Variants in EZH2 observed in about 807,000 individuals in gnomAD.
The protein encoded by EZH2 is enhancer of zeste 2 polycomb repressive complex 2 subunit.
EZH2 carries 18 observed loss-of-function variants against 98.4 expected under a neutral mutation model. The ratio of observed to expected loss-of-function variants is 0.18; its 90% CI spans 0.13 to 0.27. EZH2 has a LOEUF of 0.27. Ranked by LOEUF, EZH2 falls within the 10% of genes least tolerant of loss-of-function variation. The probability of loss-of-function intolerance (pLI) is 1.00; values close to 1 mark genes in which losing one functional copy is unlikely to be tolerated. For missense variants in EZH2, 470 were observed against 935.1 expected (o/e 0.50, Z 6.49); for synonymous variants, 338 against 312.3 (o/e 1.08, Z -0.87).
chr7:148,809,231 A>C lies in EZH2; in HGVS notation c.2111-76T>G, dbSNP rs1802384555. On this transcript the variant is annotated intron_variant, in intron 18 of 19. Transcript: ENST00000320356. ...GTTAACTGACTTGTTCACATAACAA[A>C]CAACTATCCCAGAAGTATTCAAGTC... The C allele has an allele frequency of 1.3e-5, 20 of 1,587,964 alleles. No individual in the cohort carries two copies. The South Asian group carries it at 2.1e-4, about 17-fold the overall frequency.
rs560622782 is a variant in EZH2 at position 148,807,527 on chromosome 7, C to T, written c.*119G>A. 3 of 799,738 alleles carry T rather than the reference C, an allele frequency of 3.8e-6. No homozygotes were observed. Among genetic ancestry groups the T allele is most frequent in the Non-Finnish European group, 6.3e-6 (3 of 476,318 alleles). The allele number at this position is 799,738 out of a possible 1,614,324, so 49.5% of individuals were successfully genotyped here. A position where few individuals can be genotyped will look rare whatever the true frequency, so the allele number is the denominator to read the frequency against. On this transcript the variant is annotated 3_prime_UTR_variant, in exon 20 of 20. Coordinates refer to ENST00000320356, the MANE Select transcript of EZH2 (RefSeq NM_004456.5). ...AACTCATTACTATAAATTATTCTTA[C>T]AGTACTTTGCAAATTCAGAATTTCA...
At chr7:148,838,312 C>G (rs1811444558) in intron 3 of EZH2, among the ~76,000 whole-genome samples, 1 of 152,040 alleles carries the variant, frequency 6.6e-6, no homozygotes, top group Non-Finnish European at 1.5e-5. Context: ...TAAAGCTCTT[C>G]CCCGCATCCT....
At chr7:148,814,800 G>C in intron 14 of EZH2, 114 bp downstream of exon 14, 1 of 1,291,212 alleles carries the variant, frequency 7.7e-7, no homozygotes, top group Non-Finnish European at 1.0e-6. Flanking sequence ...AAATTGATGA[G>C]TTTCGTCAAG....
At chr7:148,815,105 A>G (rs1164719493) in intron 13 of EZH2, 66 bp from the exon 14 acceptor site, 4 of 1,562,518 alleles carry the variant, frequency 2.6e-6, no homozygotes, top group African/African-American at 1.4e-5. Flanking sequence ...TACACAATTA[A>G]CACGAGTACA....
At chr7:148,811,960 T>C in intron 15 of EZH2, 1 of 466,812 alleles carries the variant, frequency 2.1e-6, no homozygotes, top group Non-Finnish European at 3.9e-6. Context: ...CTTTTGGTGG[T>C]GTTGGTCCTC....
intron 10 of EZH2, 64 bp from the exon 11 acceptor site, chr7:148,817,455 C>G (rs2129471451): frequency 6.6e-7 from 1 of 1,524,624 alleles, no homozygotes; most frequent in Non-Finnish European, 8.9e-7. Flanking sequence ...AAGTACAATT[C>G]AGGGTGTGCT....
chr7:148,839,593 G>T (rs1049617430), intron 3 of EZH2, among the ~76,000 whole-genome samples: 8 of 149,432 alleles, frequency 5.4e-5, no homozygotes, highest in Non-Finnish European at 8.9e-5. Flanking sequence ...TTGTTTTTTT[G>T]AGATTGAGTC....
intron 7 of EZH2, 145 bp downstream of exon 7, chr7:148,827,019 G>A (rs1807905523): frequency 1.6e-6 from 1 of 606,166 alleles, no homozygotes; most frequent in Non-Finnish European, 2.9e-6. Flanking sequence ...AGTACCACAA[G>A]TACACATGTT....
rs1347919336 is a variant in EZH2, at chr7:148,884,257, C to G, written c.-101G>C. The G allele has an allele frequency of 2.2e-5, 4 of 181,250 alleles. No homozygotes were observed. Among genetic ancestry groups the G allele is most frequent in the Admixed American group, 1.3e-4 (2 of 15,854 alleles). 11.2% of individuals were successfully genotyped at this position (181,250 alleles called of 1,614,324 possible). A position where few individuals can be genotyped will look rare whatever the true frequency, so the allele number is the denominator to read the frequency against. On this transcript the variant is annotated 5_prime_UTR_variant, in exon 1 of 20. Transcript: ENST00000320356. ...GGGCTCCACTGCCTTCTGAGTCCCA[C>G]CGGGTGTCGGACGCGACCGGACCGA...
rs145424280 is a variant in EZH2 at position 148,828,373 on chromosome 7, G to A, written c.625+367C>T. Among the ~76,000 whole-genome samples the A allele has an allele frequency of 2.5e-3, 377 of 151,898 alleles. 2 individuals carry two copies. Among genetic ancestry groups the A allele is most frequent in the African/African-American group, 8.8e-3 (366 of 41,382 alleles). ...CTTTTTTAAGGCAAGGTCTCACTCT[G>A]TCACCCAGCCAGACTGTGCAGTGGC... On this transcript the variant is annotated intron_variant, in intron 6 of 19. Coordinates refer to ENST00000320356, the MANE Select transcript of EZH2 (RefSeq NM_004456.5).
chr7:148,809,273 A>C, intron 18 of EZH2, 37 bp downstream of exon 18: 1 of 1,589,688 alleles, frequency 6.3e-7, no homozygotes, highest in African/African-American at 1.3e-5. Context: ...CACAGGACTG[A>C]AAAGGGAGTT....
Position 148,847,168 on chromosome 7 carries a change from A to G in EZH2, c.117+14T>C, listed in dbSNP as rs1484484437. The G allele has an allele frequency of 6.3e-7, 1 of 1,594,828 alleles. No homozygotes were observed. Among genetic ancestry groups the G allele is most frequent in the Admixed American group, 1.9e-5 (1 of 53,484 alleles). Reference sequence around the variant, plus strand: ...TTAATTGTATATTCATTTTCACAAAAGATAAAATTATACCTTTACTTCATC... The same window carrying G: ...TTAATTGTATATTCATTTTCACAAAGGATAAAATTATACCTTTACTTCATC... On this transcript the variant is annotated intron_variant, in intron 2 of 19. Transcript: ENST00000320356.
intron 1 of EZH2, among the ~76,000 whole-genome samples, chr7:148,883,864 A>G (rs1305227354): frequency 6.6e-6 from 1 of 151,198 alleles, no homozygotes; most frequent in Non-Finnish European, 1.5e-5. Context: ...CGCCCCGGCC[A>G]GGACAAGCAC....
intron 1 of EZH2, among the ~76,000 whole-genome samples, chr7:148,854,238 G>A (rs375010504): frequency 1.1e-4 from 16 of 151,836 alleles, no homozygotes; most frequent in African/African-American, 3.6e-4. Flanking sequence ...GAGGTCAGGA[G>A]ATCGAGACTA....
At chr7:148,810,837 G>A (rs1422587937) in intron 16 of EZH2, among the ~76,000 whole-genome samples, 13 of 150,010 alleles carry the variant, frequency 8.7e-5, no homozygotes, top group Admixed American at 5.3e-4. Context: ...CTGAGGTTGC[G>A]GTGAGCCAAA....
chr7:148,813,854 T>C (rs1803844168), intron 15 of EZH2, 105 bp downstream of exon 15: 2 of 1,184,716 alleles, frequency 1.7e-6, no homozygotes, highest in African/African-American at 3.1e-5. Context: ...CTTTCAAGGA[T>C]CACTTTTACT....
intron 1 of EZH2, among the ~76,000 whole-genome samples, chr7:148,867,671 C>T (rs561739002): frequency 3.9e-5 from 6 of 152,314 alleles, no homozygotes; most frequent in Admixed American, 3.3e-4. Context: ...AATTTCTCCC[C>T]AGAAAGTGAG....
At chr7:148,810,720 G>A (rs920320614) in intron 16 of EZH2, among the ~76,000 whole-genome samples, 3 of 152,218 alleles carry the variant, frequency 2.0e-5, no homozygotes, top group East Asian at 3.9e-4. Flanking sequence ...TGTAATCCCA[G>A]CACTTTGGGA....
At chr7:148,837,537 G>GTATATAATTTA (rs1331713850) in intron 3 of EZH2, among the ~76,000 whole-genome samples, 4 of 152,154 alleles carry the variant, frequency 2.6e-5, no homozygotes, top group Non-Finnish European at 4.4e-5. Flanking sequence ...AAATGACCGT[G>GTATATAATTTA]TATATAATTT....
Sources: gnomAD v4.1 joint callset for allele counts (sites outside exome capture counted in the v4.1 genomes callset) on GRCh38, gnomAD v4.1.1 for gene constraint, MANE v1.5 for transcripts, NCBI Gene and HGNC (gene_info 2026-07-23, HGNC 2026-07-21) for gene names.